The following ITGB6 variants were observed in gnomAD, a reference collection of about 807,000 sequenced individuals.
The protein encoded by ITGB6 is integrin subunit beta 6.
A neutral mutation model predicts 84.5 loss-of-function variants in ITGB6; 80 were observed. The observed-to-expected ratio is 0.95, with a 90% CI of 0.79 to 1.14. The LOEUF (loss-of-function observed/expected upper bound fraction) is 1.14. ITGB6 is among the 50% of genes most tolerant of loss of function. The probability of loss-of-function intolerance (pLI) is 0.00; values close to 1 mark genes in which losing one functional copy is unlikely to be tolerated. For synonymous variants in ITGB6, 383 were observed against 354.9 expected, an observed-to-expected ratio of 1.08 and a Z score of -0.89; for missense variants, 1,006 against 968.0, an observed-to-expected ratio of 1.04 and a Z score of -0.52.
At position 160,100,271 on chromosome 2, in the gene ITGB6, G is replaced by A. The variant is rs974531144; in HGVS notation, c.*1465C>T. ...CACTACATAATGAACTATTCACCTA[G>A]TAAAAGCTTCACATTACAATTTAAT... On this transcript the variant is annotated 3_prime_UTR_variant, in exon 15 of 15. Transcript: ENST00000283249. 1 of 152,170 alleles carries A rather than the reference G, an allele frequency of 6.6e-6. No homozygotes were observed. Among genetic ancestry groups the A allele is most frequent in the Non-Finnish European group, 1.5e-5 (1 of 68,022 alleles). 9.4% of individuals were successfully genotyped at this position (152,170 alleles called of 1,614,324 possible).
rs1683260724 is a variant in ITGB6, at chr2:160,126,710, A to G, written c.1661-109T>C. The G allele has an allele frequency of 7.7e-6, 8 of 1,043,678 alleles. No homozygotes were observed. The South Asian group carries it at 1.1e-4, about 14-fold the overall frequency. 64.7% of individuals were successfully genotyped at this position (1,043,678 alleles called of 1,614,324 possible). A position where few individuals can be genotyped will look rare whatever the true frequency, so the allele number is the denominator to read the frequency against. On this transcript the variant is annotated intron_variant, in intron 10 of 14. Transcript: ENST00000283249. ...CTTTAAGCACCGTCATCAAAAGACA[A>G]GAAAAAAATGAGAAAAAAAGTATGT...
chr2:160,194,869 T>C lies in ITGB6; in HGVS notation c.593+500A>G, dbSNP rs377295659. ...GAATTTAACAGCAGTGAAGGCTGCA[T>C]TGGCCTTCTCCAAGCAATAAGAGAA... is the stretch of plus-strand genomic sequence containing the variant. On this transcript the variant is annotated intron_variant, in intron 4 of 14. Transcript: ENST00000283249. Among the ~76,000 whole-genome samples the C allele has an allele frequency of 4.6e-5, 7 of 152,212 alleles. No homozygotes were observed. The East Asian group carries it at 5.8e-4, about 13-fold the overall frequency.
chr2:160,182,700 C>T (rs1685730342), intron 4 of ITGB6, among the ~76,000 whole-genome samples: 1 of 152,120 alleles, frequency 6.6e-6, no homozygotes, highest in African/African-American at 2.4e-5. Flanking sequence ...ATCAGATTCA[C>T]CAAGGTTGAA....
Position 160,126,475 on chromosome 2 carries a change from T to C in ITGB6, c.1787A>G (p.Asp596Gly). 6.2e-7 allele frequency: 1 copy of C among 1,614,148 alleles called. No individual in the cohort carries two copies. Among genetic ancestry groups the C allele is most frequent in the Non-Finnish European group, 8.5e-7 (1 of 1,180,024 alleles). ...EDGVLCSGRGDCVCGKCVCTN... is the reference protein window; with the variant it reads ...EDGVLCSGRGGCVCGKCVCTN... ...GCAAACACACTTGCCACAAACACAG[T>C]CCCCGCGCCCGCTGCAGAGCACTCC... Residue 596 changes from aspartate to glycine, a missense_variant, in exon 11 of 15, where the codon GAC becomes GGC. Physicochemically the swap from Asp to Gly is moderately conservative, Grantham distance 94. Transcript: ENST00000283249.
chr2:160,177,902 G>T (rs1472185857), intron 4 of ITGB6, among the ~76,000 whole-genome samples: 1 of 152,000 alleles, frequency 6.6e-6, no homozygotes, highest in Non-Finnish European at 1.5e-5. Context: ...TGGAGATGGA[G>T]TCTCACTCTG....
intron 7 of ITGB6, among the ~76,000 whole-genome samples, chr2:160,156,641 G>T (rs968386831): frequency 6.6e-6 from 1 of 152,094 alleles, no homozygotes; most frequent in Non-Finnish European, 1.5e-5. Context: ...CCTCACAGTT[G>T]TTCCCTTTCA....
chr2:160,187,226 C>A (rs1685936303), intron 4 of ITGB6, among the ~76,000 whole-genome samples: 1 of 152,016 alleles, frequency 6.6e-6, no homozygotes, highest in African/African-American at 2.4e-5. Context: ...ATCATGAAAT[C>A]TGGAAGGTCT....
Position 160,196,223 on chromosome 2 carries a change from CAACTT to C in ITGB6, c.334_338del (p.Lys112GlufsTer16). On this transcript the variant is annotated frameshift_variant, in exon 3 of 15. Coordinates refer to ENST00000283249, the MANE Select transcript of ITGB6 (RefSeq NM_000888.5). LOFTEE classifies it high-confidence loss of function. ...AGCCAAATCCTAACATACCTGGTCT[CAACTT>C]AAGGATCAAGCTTTGAGGCGCAATC... 1 of 1,613,834 alleles carries C rather than the reference CAACTT, an allele frequency of 6.2e-7. No individual in the cohort carries two copies. Among genetic ancestry groups the C allele is most frequent in the Non-Finnish European group, 8.5e-7 (1 of 1,179,832 alleles).
chr2:160,194,793 T>C (rs963973184), intron 4 of ITGB6, among the ~76,000 whole-genome samples: 3 of 152,174 alleles, frequency 2.0e-5, no homozygotes, highest in Non-Finnish European at 4.4e-5. Context: ...TTTTAATAGC[T>C]TATTATAGCA....
At position 160,137,529 on chromosome 2, in the gene ITGB6, C is replaced by A; in HGVS notation, c.1565G>T (p.Cys522Phe). Residue 522 changes from cysteine to phenylalanine, a missense_variant, in exon 10 of 15, where the codon TGT becomes TTT. Transcript: ENST00000283249. ...TCCATAGGGAGACAAGTGGCAGATA[C>A]ACTGCCCACAGTAGCAGTCACCCCT... Reference protein sequence around the residue: ...SGRGDCYCGQCICHLSPYGNI... With the variant: ...SGRGDCYCGQFICHLSPYGNI... 1.2e-6 allele frequency: 2 copies of A among 1,613,960 alleles called. No individual in the cohort carries two copies. Among genetic ancestry groups the A allele is most frequent in the Non-Finnish European group, 1.7e-6 (2 of 1,179,786 alleles).
intron 5 of ITGB6, among the ~76,000 whole-genome samples, 160 bp downstream of exon 5, chr2:160,173,814 A>C (rs946521883): frequency 3.3e-5 from 5 of 152,238 alleles, no homozygotes; most frequent in Non-Finnish European, 7.3e-5. Flanking sequence ...AACATGATTT[A>C]ATTAAACATT....
At chr2:160,108,334 C>T (rs1696993789) in intron 13 of ITGB6, among the ~76,000 whole-genome samples, 1 of 150,890 alleles carries the variant, frequency 6.6e-6, no homozygotes, top group South Asian at 2.1e-4. Flanking sequence ...ATATAAAAAC[C>T]TATCCCTTGG....
chr2:160,142,115 TA>T lies in ITGB6; in HGVS notation c.1018-45del, dbSNP rs750845455. ...TAAGTCAATCTTTGTTTCCTCATGG[TA>T]ATTGAGAAAAGTGTGGGTTTGAGCC... is the stretch of plus-strand genomic sequence containing the variant. On this transcript the variant is annotated intron_variant, in intron 7 of 14. Transcript: ENST00000283249. 23 of 1,286,452 alleles carry T rather than the reference TA, an allele frequency of 1.8e-5. No homozygotes were observed. In the South Asian group the frequency reaches 3.0e-4, roughly 17 times the overall value. 79.7% of individuals were successfully genotyped at this position (1,286,452 alleles called of 1,614,324 possible). A position where few individuals can be genotyped will look rare whatever the true frequency, so the allele number is the denominator to read the frequency against.
intron 4 of ITGB6, among the ~76,000 whole-genome samples, chr2:160,182,346 T>C (rs1229030695): frequency 6.6e-6 from 1 of 152,078 alleles, no homozygotes; most frequent in Non-Finnish European, 1.5e-5. Context: ...TCATGAAGCA[T>C]ACACAAGCAT....
At chr2:160,187,488 A>G (rs946807001) in intron 4 of ITGB6, among the ~76,000 whole-genome samples, 2 of 152,204 alleles carry the variant, frequency 1.3e-5, no homozygotes, top group African/African-American at 4.8e-5. Context: ...CAGTCATTGA[A>G]AAAAGCTATT....
At chr2:160,160,973 A>T (rs769803580) in intron 7 of ITGB6, among the ~76,000 whole-genome samples, 1 of 152,236 alleles carries the variant, frequency 6.6e-6, no homozygotes, top group Non-Finnish European at 1.5e-5. Flanking sequence ...CACAGATGTC[A>T]AAGTCTTCAC....
intron 10 of ITGB6, among the ~76,000 whole-genome samples, chr2:160,137,002 G>C (rs868118962): frequency 6.7e-6 from 1 of 150,122 alleles, no homozygotes; most frequent in African/African-American, 2.5e-5. Context: ...GTATATATAC[G>C]TAACAAACCT....
rs868123089 is a variant in ITGB6, at chr2:160,121,847, C to T, written c.1981+1944G>A. On this transcript the variant is annotated intron_variant, in intron 12 of 14. Transcript: ENST00000283249. ...AACATGTTTTTGATATGCCCACTCA[C>T]AGCATAACTGAGGAACAATTCATAC... is the stretch of plus-strand genomic sequence containing the variant. 5.3e-5 allele frequency among the ~76,000 whole-genome samples: 8 copies of T among 149,880 alleles called. No homozygotes were observed. The South Asian group carries it at 6.3e-4, about 12-fold the overall frequency.
intron 7 of ITGB6, among the ~76,000 whole-genome samples, chr2:160,146,357 ACT>A (rs1198501387): frequency 6.6e-6 from 1 of 151,816 alleles, no homozygotes; most frequent in African/African-American, 2.4e-5. Context: ...TTCTCTTTAG[ACT>A]CTCTGCTTGC....
Sources: allele counts gnomAD v4.1 joint callset (sites outside exome capture counted in the v4.1 genomes callset), GRCh38; gene constraint gnomAD v4.1.1; transcripts MANE v1.5; gene names NCBI Gene and HGNC (gene_info 2026-07-23, HGNC 2026-07-21).